The following SLC12A6 variants were observed in gnomAD, a reference collection of about 807,000 sequenced individuals.
SLC12A6 encodes K-Cl cotransporter 3.
SLC12A6 carries 66 observed loss-of-function variants against 135.3 expected under a neutral mutation model. The observed-to-expected ratio is 0.49, with a 90% CI of 0.40 to 0.60. SLC12A6 has a LOEUF of 0.60. SLC12A6 is among the 20% of genes least tolerant of loss of function. The pLI, the probability that SLC12A6 is intolerant of heterozygous loss-of-function variation, is 0.00. For missense variants in SLC12A6, 1,058 were observed against 1,452.3 expected (o/e 0.73, Z 4.41); for synonymous variants, 513 against 508.8 (o/e 1.01, Z -0.11).
intron 2 of SLC12A6, among the ~76,000 whole-genome samples, chr15:34,328,195 C>A (rs1057362038): frequency 5.9e-5 from 9 of 151,752 alleles, no homozygotes; most frequent in African/African-American, 2.2e-4. Flanking sequence ...CAGTTTTCAA[C>A]TACAAAAACT....
chr15:34,316,295 T>A (rs1447094206), intron 2 of SLC12A6, among the ~76,000 whole-genome samples: 1 of 148,482 alleles, frequency 6.7e-6, no homozygotes, highest in African/African-American at 2.4e-5. Flanking sequence ...AATTTAAGAT[T>A]TTTTTTTTTT....
At chr15:34,265,540 A>G (rs1053793798) in intron 3 of SLC12A6, among the ~76,000 whole-genome samples, 2 of 152,198 alleles carry the variant, frequency 1.3e-5, no homozygotes, top group African/African-American at 2.4e-5. Context: ...TGACGACTTC[A>G]TGTAAGATCA....
At chr15:34,322,263 AC>A (rs1889144827) in intron 2 of SLC12A6, among the ~76,000 whole-genome samples, 1 of 151,966 alleles carries the variant, frequency 6.6e-6, no homozygotes, top group South Asian at 2.1e-4. Flanking sequence ...TGCCTGTAAT[AC>A]CAGCCACTGG....
At chr15:34,268,936 G>A (rs779858524) in intron 3 of SLC12A6, among the ~76,000 whole-genome samples, 7 of 151,312 alleles carry the variant, frequency 4.6e-5, no homozygotes, top group South Asian at 2.1e-4. Flanking sequence ...AGCAGACTGC[G>A]ACCTCCGCCT....
intron 2 of SLC12A6, among the ~76,000 whole-genome samples, chr15:34,329,780 C>T (rs1445634045): frequency 2.0e-5 from 3 of 152,146 alleles, no homozygotes; most frequent in Admixed American, 6.5e-5. Flanking sequence ...CTTTGAGAGA[C>T]CCAAGTGAGA....
At position 34,250,730 on chromosome 15, in the gene SLC12A6, CT is replaced by C; in HGVS notation, c.1493-2del. On this transcript the variant is annotated splice_acceptor_variant, in intron 11 of 25. Coordinates refer to ENST00000354181, the MANE Select transcript of SLC12A6 (RefSeq NM_001365088.1). LOFTEE classifies it high-confidence loss of function. ...GATCTGTTTGATCCAGCCATGATAC[CT>C]TTAGAGATAAGGGGGAAAAAACCAA... 6.4e-7 allele frequency: 1 copy of C among 1,573,680 alleles called. No individual in the cohort carries two copies. The highest frequency in any genetic ancestry group is 8.7e-7 in the Non-Finnish European group (1 of 1,143,188).
At chr15:34,271,567 T>C (rs1246998904) in intron 3 of SLC12A6, among the ~76,000 whole-genome samples, 1 of 150,968 alleles carries the variant, frequency 6.6e-6, no homozygotes, top group African/African-American at 2.4e-5. Flanking sequence ...CTTGTTTGCT[T>C]GCTAGCTTTC....
intron 2 of SLC12A6, among the ~76,000 whole-genome samples, chr15:34,291,843 A>C (rs1895554940): frequency 6.6e-6 from 1 of 151,926 alleles, no homozygotes; most frequent in African/African-American, 2.4e-5. Context: ...CATGTCATTT[A>C]AGCTCTTCTC....
At chr15:34,316,928 A>G (rs1888691446) in intron 2 of SLC12A6, among the ~76,000 whole-genome samples, 1 of 152,240 alleles carries the variant, frequency 6.6e-6, no homozygotes, top group Admixed American at 6.5e-5. Flanking sequence ...AGCAAAGACA[A>G]AAGCCTAAAG....
intron 13 of SLC12A6, among the ~76,000 whole-genome samples, chr15:34,247,586 C>T (rs1272249601): frequency 6.6e-6 from 1 of 152,042 alleles, no homozygotes; most frequent in Non-Finnish European, 1.5e-5. Context: ...AAATCCAACA[C>T]CCATGCTGTA....
chr15:34,320,109 T>C (rs936719202), intron 2 of SLC12A6, among the ~76,000 whole-genome samples: 1 of 152,194 alleles, frequency 6.6e-6, no homozygotes, highest in Non-Finnish European at 1.5e-5. Context: ...GCCTCTGTTA[T>C]TGGGAATGCC....
chr15:34,235,062 C>T (rs1891162443), intron 25 of SLC12A6, 119 bp downstream of exon 25: 3 of 969,128 alleles, frequency 3.1e-6, no homozygotes, highest in Non-Finnish European at 5.0e-6. Flanking sequence ...ACTTTTAAGT[C>T]TCCCTTCCTT....
intron 2 of SLC12A6, among the ~76,000 whole-genome samples, chr15:34,289,747 A>T (rs1338073858): frequency 6.6e-6 from 1 of 151,822 alleles, no homozygotes; most frequent in Non-Finnish European, 1.5e-5. Context: ...TTTCTTCTAG[A>T]TTTTCTAGTT....
intron 4 of SLC12A6, among the ~76,000 whole-genome samples, chr15:34,260,336 G>A (rs1009369766): frequency 6.6e-6 from 1 of 152,180 alleles, no homozygotes; most frequent in Non-Finnish European, 1.5e-5. Context: ...TTGGCTCACT[G>A]CAAGCTCTGC....
chr15:34,285,508 G>GT (rs746968107), intron 2 of SLC12A6, among the ~76,000 whole-genome samples: 3,819 of 143,170 alleles, frequency 0.027, 148 homozygotes, highest in African/African-American at 0.084. Flanking sequence ...GCTTATGATG[G>GT]TTTTTTTTTT....
intron 2 of SLC12A6, among the ~76,000 whole-genome samples, chr15:34,329,921 CT>C (rs1382093429): frequency 6.6e-6 from 1 of 152,130 alleles, no homozygotes; most frequent in Non-Finnish European, 1.5e-5. Flanking sequence ...CTCTCCCCAA[CT>C]TTTTTGGGGA....
chr15:34,304,929 T>G (rs1896500103), intron 2 of SLC12A6, among the ~76,000 whole-genome samples: 1 of 152,232 alleles, frequency 6.6e-6, no homozygotes, highest in South Asian at 2.1e-4. Context: ...CTTCTTGAAT[T>G]TTCTCAGAGG....
At chr15:34,245,204 A>G in intron 15 of SLC12A6, 81 bp downstream of exon 15, 1 of 837,222 alleles carries the variant, frequency 1.2e-6, no homozygotes, top group Non-Finnish European at 2.1e-6. Context: ...TGTTATCACT[A>G]CTGTTATATG....
intron 22 of SLC12A6, chr15:34,237,181 GA>G: frequency 2.1e-6 from 1 of 480,350 alleles, no homozygotes; most frequent in Non-Finnish European, 3.8e-6. Context: ...GAATCTGGCA[GA>G]AATATAAGGG....
Sources: allele counts gnomAD v4.1 joint callset (sites outside exome capture counted in the v4.1 genomes callset), GRCh38; gene constraint gnomAD v4.1.1; transcripts MANE v1.5; gene names NCBI Gene and HGNC (gene_info 2026-07-23, HGNC 2026-07-21).